Variants in SLC2A4RG observed in about 807,000 individuals in gnomAD.
SLC2A4RG encodes the protein SLC2A4 regulator.
In SLC2A4RG, 23 loss-of-function variants were observed where a neutral mutation model predicts 35.5. The observed-to-expected ratio is 0.65, with a 90% confidence interval of 0.47 to 0.92. The LOEUF is 0.92. SLC2A4RG is among the 40% of genes least tolerant of loss of function. The probability of loss-of-function intolerance (pLI) is 0.00; values close to 1 mark genes in which losing one functional copy is unlikely to be tolerated. For synonymous variants in SLC2A4RG, 306 were observed against 243.7 expected, an observed-to-expected ratio of 1.26 and a Z score of -2.38; for missense variants, 539 against 525.0, an observed-to-expected ratio of 1.03 and a Z score of -0.26.
chr20:63,739,858 C>T lies in SLC2A4RG; in HGVS notation c.-55C>T. ...CGGCCAGCCCGGCCCGGCCCGGGGC[C>T]GCGTCCTGAGAGTCAGCCCTCGCCG... On this transcript the variant is annotated 5_prime_UTR_variant, in exon 1 of 8. Coordinates refer to ENST00000266077, the MANE Select transcript of SLC2A4RG (RefSeq NM_020062.4). 1 of 977,316 alleles carries T rather than the reference C, an allele frequency of 1.0e-6. No homozygotes were observed. The highest frequency in any genetic ancestry group is 1.2e-6 in the Non-Finnish European group (1 of 826,866). 60.5% of individuals were successfully genotyped at this position (977,316 alleles called of 1,614,324 possible). A position where few individuals can be genotyped will look rare whatever the true frequency, so the allele number is the denominator to read the frequency against.
In SLC2A4RG at chr20:63,742,224, A is replaced by G; in HGVS notation, c.674A>G (p.His225Arg). ...ATGCAGAGACACATCCGCCTGGTGC[A>G]CCTGGGGTGCGGCGGGGCCTGGGGT... The part of the protein sequence containing the change: ...SAMQRHIRLV[H>R]LGRQAEPEQS... The change falls in exon 5 of 8, where the codon CAC becomes CGC. Residue 225 changes from histidine (H) to arginine (R), a missense_variant. His to Arg is a conservative substitution (Grantham distance 29). Transcript: ENST00000266077. 1 of 1,595,774 alleles carries G rather than the reference A, an allele frequency of 6.3e-7. No individual in the cohort carries two copies. Among genetic ancestry groups the G allele is most frequent in the Admixed American group, 1.7e-5 (1 of 57,186 alleles).
At chr20:63,741,543 C>G in intron 3 of SLC2A4RG, 64 bp downstream of exon 3, 1 of 1,442,268 alleles carries the variant, frequency 6.9e-7, no homozygotes, top group Non-Finnish European at 9.5e-7. Flanking sequence ...CTACAGCCAC[C>G]CAGCCTCTGT....
rs527309186 is a variant in SLC2A4RG at position 63,742,332 on chromosome 20, G to A, written c.681-4G>A. 15 of 1,606,692 alleles carry A rather than the reference G, an allele frequency of 9.3e-6. No individual in the cohort carries two copies. The highest frequency in any genetic ancestry group is 2.2e-5 in the South Asian group (2 of 90,478). On this transcript the variant is annotated splice_region_variant and splice_polypyrimidine_tract_variant and intron_variant, in intron 5 of 7. Transcript: ENST00000266077. ...CTCCCACTGGCTGGCTGTGTCTCCC[G>A]CAGGAGGCAGGCAGAGCCTGAGCAG...
chr20:63,742,700 G>A lies in SLC2A4RG; in HGVS notation c.962G>A (p.Gly321Asp), dbSNP rs2092050018. Residue 321 changes from glycine to aspartate, a missense_variant and splice_region_variant, in exon 7 of 8, where the codon GGC (glycine) becomes GAC (aspartate). Gly to Asp is a moderately conservative substitution (Grantham distance 94). Transcript: ENST00000266077. ...AGCCCTGGCTGTGTCTCCCTGTAGG[G>A]CTGCCTGACGCCCGCCCGCCTGGAG... ...QSCHSDRVYQ[G>D]CLTPARLEPQ... 6.3e-7 allele frequency: 1 copy of A among 1,595,868 alleles called. No homozygotes were observed. Among genetic ancestry groups the A allele is most frequent in the Non-Finnish European group, 8.5e-7 (1 of 1,172,438 alleles).
intron 1 of SLC2A4RG, 137 bp from the exon 2 acceptor site, chr20:63,740,228 TGGGGGCGGGGCC>T (rs1198276005): frequency 5.5e-5 from 25 of 452,142 alleles, no homozygotes; most frequent in Non-Finnish European, 6.4e-5. Flanking sequence ...CGCGCCGGGC[TGGGGGCGGGGCC>T]GGGGGCGGGG....
intron 2 of SLC2A4RG, 142 bp from the exon 3 acceptor site, chr20:63,741,228 G>T (rs2092039908): frequency 1.4e-6 from 1 of 735,922 alleles, no homozygotes; most frequent in Non-Finnish European, 2.2e-6. Context: ...AACCTGAGCT[G>T]GGGGAGGAGC....
intron 3 of SLC2A4RG, 83 bp downstream of exon 3, chr20:63,741,562 C>T: frequency 7.6e-7 from 1 of 1,312,260 alleles, no homozygotes; most frequent in Admixed American, 2.2e-5. Context: ...GTGGGGCAAG[C>T]AGAGCCCTCA....
At position 63,743,099 on chromosome 20, in the gene SLC2A4RG, GCAGGGTCTGCTTTTACTT is replaced by G; in HGVS notation, c.*110_*127del. On this transcript the variant is annotated 3_prime_UTR_variant, in exon 8 of 8. Transcript: ENST00000266077. ...CCCCAGGGGCTGGCTTTCACCAGCT[GCAGGGTCTGCTTTTACTT>G]GGGGTGGGGGGGCGGGGCTGACCCT... The G allele has an allele frequency of 3.3e-6, 1 of 305,654 alleles. No individual in the cohort carries two copies. Among genetic ancestry groups the G allele is most frequent in the Non-Finnish European group, 5.5e-6 (1 of 180,666 alleles). The allele number at this position is 305,654 out of a possible 1,614,324, so 18.9% of individuals were successfully genotyped here.
At position 63,741,413 on chromosome 20, in the gene SLC2A4RG, G is replaced by C. The variant is rs767965534; in HGVS notation, c.325G>C (p.Ala109Pro). The change falls in exon 3 of 8, where the codon GCT (alanine) becomes CCT (proline). Residue 109 changes from alanine to proline, a missense_variant. Physicochemically the swap from Ala to Pro is conservative, Grantham distance 27. Transcript: ENST00000266077. ...KARLDEVMAAAALTSLSTSPL... is the reference protein window; with the variant it reads ...KARLDEVMAAPALTSLSTSPL... ...CCGGCTGGACGAGGTCATGGCTGCC[G>C]CTGCCCTTACAAGCCTGTCCACCAG... The C allele has an allele frequency of 6.2e-7, 1 of 1,613,128 alleles. No individual in the cohort carries two copies. The highest frequency in any genetic ancestry group is 1.7e-5 in the Admixed American group (1 of 60,010).
In SLC2A4RG at chr20:63,742,549, GC is replaced by G; in HGVS notation, c.899del (p.Pro300ArgfsTer5). On this transcript the variant is annotated frameshift_variant, in exon 6 of 8. Coordinates refer to ENST00000266077, the MANE Select transcript of SLC2A4RG (RefSeq NM_020062.4). LOFTEE classifies it high-confidence loss of function. ...CCCTGCGGCCGCCTGCCCCGCCCCTGCCCCCGCCCCCTGTCCTGAGCACCGT... is the reference window on the plus strand; with the variant it reads ...CCCTGCGGCCGCCTGCCCCGCCCCTGCCCCGCCCCCTGTCCTGAGCACCGT... Reference protein sequence around the residue: ...SPLRPPAPPLPPPPVLSTVAN... With the variant: ...SPLRPPAPPLXPPPVLSTVAN... 1 of 1,562,154 alleles carries G rather than the reference GC, an allele frequency of 6.4e-7. No homozygotes were observed. Among genetic ancestry groups the G allele is most frequent in the Non-Finnish European group, 8.7e-7 (1 of 1,151,624 alleles).
At chr20:63,741,136 A>G in intron 2 of SLC2A4RG, 1 of 560,390 alleles carries the variant, frequency 1.8e-6, no homozygotes, top group African/African-American at 1.9e-5. Context: ...AGTGGAGCCA[A>G]GCCCGCGATG....
At chr20:63,741,634 G>A (rs1335305131) in intron 3 of SLC2A4RG, among the ~76,000 whole-genome samples, 155 bp downstream of exon 3, 1 of 152,180 alleles carries the variant, frequency 6.6e-6, no homozygotes, top group African/African-American at 2.4e-5. Context: ...TGAGGCCAAA[G>A]CGGCAGGACC....
Position 63,742,012 on chromosome 20 carries a change from G to A in SLC2A4RG, c.535G>A (p.Ala179Thr). Residue 179 changes from alanine to threonine, a missense_variant, in exon 4 of 8, where the codon GCA becomes ACA. Physicochemically the swap from Ala to Thr is moderately conservative, Grantham distance 58 (BLOSUM62 0). Coordinates refer to ENST00000266077, the MANE Select transcript of SLC2A4RG (RefSeq NM_020062.4). ...CCCGTCACCCCCACTGCCCCCCGAG[G>A]CAGCCCACTTTCTGTTTGGGGAGCC... ...STPSPPLPPE[A>T]AHFLFGEPTL... is the part of the protein sequence containing the mutation. 1 of 1,612,818 alleles carries A rather than the reference G, an allele frequency of 6.2e-7. No individual in the cohort carries two copies. Among genetic ancestry groups the A allele is most frequent in the Non-Finnish European group, 8.5e-7 (1 of 1,179,618 alleles).
chr20:63,740,187 C>A, intron 1 of SLC2A4RG, 149 bp downstream of exon 1: 1 of 385,636 alleles, frequency 2.6e-6, no homozygotes, highest in Non-Finnish European at 3.5e-6. Context: ...CCCGCCGGGG[C>A]TGCGCCGGGC....
rs1206025913 is a variant in SLC2A4RG, at chr20:63,742,481, C to T, written c.826C>T (p.Leu276=). ...TASMPPAFPR[L]ELPELLEPPA... ...CTCCATGCCGCCTGCCTTCCCCCGC[C>T]TGGAGCTGCCAGAGCTGCTGGAGCC... is the stretch of plus-strand genomic sequence containing the variant. The change falls in exon 6 of 8, where the codon CTG becomes TTG. Residue 276 remains leucine (L), a synonymous_variant. Coordinates refer to ENST00000266077, the MANE Select transcript of SLC2A4RG (RefSeq NM_020062.4). The T allele has an allele frequency of 6.3e-7, 1 of 1,583,328 alleles. No individual in the cohort carries two copies. The highest frequency in any genetic ancestry group is 1.3e-5 in the African/African-American group (1 of 74,308).
chr20:63,742,396 T>C lies in SLC2A4RG; in HGVS notation c.741T>C (p.Asp247=). Residue 247 remains aspartate, a synonymous_variant, in exon 6 of 8, where the codon GAT becomes GAC. Coordinates refer to ENST00000266077, the MANE Select transcript of SLC2A4RG (RefSeq NM_020062.4). ...GEEDFYYTEL[D]VGVDTLTDGL... is the part of the protein sequence containing the mutation. ...AGGACTTCTACTACACAGAGCTGGA[T>C]GTTGGTGTGGACACGCTGACCGACG... 2 of 1,611,812 alleles carry C rather than the reference T, an allele frequency of 1.2e-6. No individual in the cohort carries two copies. The highest frequency in any genetic ancestry group is 2.7e-5 in the African/African-American group (2 of 74,960).
In SLC2A4RG at chr20:63,741,958, C is replaced by G; in HGVS notation, c.481C>G (p.Leu161Val). 1 of 1,612,972 alleles carries G rather than the reference C, an allele frequency of 6.2e-7. No individual in the cohort carries two copies. Among genetic ancestry groups the G allele is most frequent in the Non-Finnish European group, 8.5e-7 (1 of 1,179,834 alleles). ...SSNSGDWGWD[L>V]ASDQSSPSTP... ...CAACAGTGGAGACTGGGGATGGGAC[C>G]TGGCCAGTGACCAGTCCTCTCCGTC... is the stretch of plus-strand genomic sequence containing the variant. The change falls in exon 4 of 8, where the codon CTG becomes GTG. Residue 161 changes from leucine (L) to valine (V), a missense_variant. Transcript: ENST00000266077.
chr20:63,742,276 G>A (rs1476863992), intron 5 of SLC2A4RG, 46 bp downstream of exon 5: 1 of 1,595,938 alleles, frequency 6.3e-7, no homozygotes, highest in Non-Finnish European at 8.5e-7. Flanking sequence ...GTTGGCTGGG[G>A]TTGTGAGGCC....
rs927656857 is a variant in SLC2A4RG, at chr20:63,740,020, G to A, written c.108G>A (p.Thr36=). The change falls in exon 1 of 8, where the codon ACG becomes ACA. Residue 36 remains threonine, a synonymous_variant. Transcript: ENST00000266077. Reference sequence around the variant, plus strand: ...CGGGGCCGCGCGCCGCGCCCGTGACGGTGCCCACGCCGCCGCAGGTACCGG... The same window carrying A: ...CGGGGCCGCGCGCCGCGCCCGTGACAGTGCCCACGCCGCCGCAGGTACCGG... ...EGPGPRAAPV[T]VPTPPQGSSV... 7 of 981,184 alleles carry A rather than the reference G, an allele frequency of 7.1e-6. No individual in the cohort carries two copies. In the African/African-American group the frequency reaches 8.8e-5, roughly 12 times the overall value. 60.8% of individuals were successfully genotyped at this position (981,184 alleles called of 1,614,324 possible).
Sources: gnomAD v4.1 joint callset for allele counts (sites outside exome capture counted in the v4.1 genomes callset) on GRCh38, gnomAD v4.1.1 for gene constraint, MANE v1.5 for transcripts, NCBI Gene and HGNC (gene_info 2026-07-23, HGNC 2026-07-21) for gene names.